SYNJ2BP: variants seen among roughly 807,000 people sequenced by gnomAD.
SYNJ2BP encodes synaptojanin-2-binding protein.
In SYNJ2BP, 10 loss-of-function variants were observed where a neutral mutation model predicts 16.9. The observed-to-expected ratio is 0.59, with a 90% confidence interval of 0.36 to 1.00. The LOEUF (loss-of-function observed/expected upper bound fraction) is 1.00. Ranked by LOEUF, SYNJ2BP falls within the 50% of genes least tolerant of loss-of-function variation. The pLI is 0.01. For missense variants in SYNJ2BP, 162 were observed against 186.7 expected (o/e 0.87, Z 0.77); for synonymous variants, 54 against 68.4 (o/e 0.79, Z 1.04).
intron 2 of SYNJ2BP, among the ~76,000 whole-genome samples, chr14:70,378,082 T>A (rs894810970): frequency 7.3e-6 from 1 of 136,956 alleles, no homozygotes. Flanking sequence ...TCTCCTATCT[T>A]GGCATATGAA....
chr14:70,400,038 C>T (rs547626016), intron 1 of SYNJ2BP, among the ~76,000 whole-genome samples: 1 of 152,286 alleles, frequency 6.6e-6, no homozygotes, highest in South Asian at 2.1e-4. Flanking sequence ...AAATACAAAA[C>T]AAATGAGCAG....
Position 70,372,942 on chromosome 14 carries a change from G to A in SYNJ2BP, c.*49C>T, listed in dbSNP as rs968310279. ...ACATGGCAGAATAGCAGGGGTGGAG[G>A]GTGAGTGAAATGTATCTTCATTGGG... is the stretch of plus-strand genomic sequence containing the variant. On this transcript the variant is annotated 3_prime_UTR_variant, in exon 4 of 4. Coordinates refer to ENST00000256366, the MANE Select transcript of SYNJ2BP (RefSeq NM_018373.3). 1.6e-5 allele frequency: 26 copies of A among 1,607,234 alleles called. No individual in the cohort carries two copies. The highest frequency in any genetic ancestry group is 2.1e-5 in the Non-Finnish European group (25 of 1,177,580).
intron 2 of SYNJ2BP, among the ~76,000 whole-genome samples, chr14:70,380,530 C>T (rs569958088): frequency 7.9e-5 from 12 of 151,820 alleles, no homozygotes; most frequent in South Asian, 2.1e-4. Context: ...GGCGTGGTGG[C>T]GCACACCTGT....
At chr14:70,411,079 G>A (rs1488654694) in intron 1 of SYNJ2BP, among the ~76,000 whole-genome samples, 1 of 152,034 alleles carries the variant, frequency 6.6e-6, no homozygotes, top group Non-Finnish European at 1.5e-5. Flanking sequence ...TGAAGTAGAA[G>A]GAGGAGACAT....
Position 70,388,599 on chromosome 14 carries a change from G to A in SYNJ2BP, c.72C>T (p.Gly24=), listed in dbSNP as rs752141974. ...GATCTGTCCCACCGACGATGTTGAA[G>A]CCCAGCCCTGAGAAAATCATGGAGG... is the stretch of plus-strand genomic sequence containing the variant. ...INLTRGPSGL[G]FNIVGGTDQQ... The change falls in exon 2 of 4, where the codon GGC becomes GGT. Residue 24 remains glycine (G), a synonymous_variant. Coordinates refer to ENST00000256366, the MANE Select transcript of SYNJ2BP (RefSeq NM_018373.3). 78 of 1,514,930 alleles carry A rather than the reference G, an allele frequency of 5.1e-5. No individual in the cohort carries two copies. The highest frequency in any genetic ancestry group is 1.1e-4 in the Admixed American group (5 of 46,352). 93.8% of individuals were successfully genotyped at this position (1,514,930 alleles called of 1,614,324 possible). A position where few individuals can be genotyped will look rare whatever the true frequency, so the allele number is the denominator to read the frequency against.
Position 70,411,957 on chromosome 14 carries a change from G to A in SYNJ2BP, c.64+4943C>T, listed in dbSNP as rs765064040. ...TGTAAGCAAGAGAAAATAGGGCAAG[G>A]ATATAGCATTTAGCCTCACATCTAT... On this transcript the variant is annotated intron_variant, in intron 1 of 3. Transcript: ENST00000256366. Among the ~76,000 whole-genome samples, 4 of 152,302 alleles carry A rather than the reference G, an allele frequency of 2.6e-5. No homozygotes were observed. The East Asian group carries it at 7.7e-4, about 29-fold the overall frequency.
At chr14:70,409,046 G>A (rs1423336982) in intron 1 of SYNJ2BP, among the ~76,000 whole-genome samples, 1 of 152,092 alleles carries the variant, frequency 6.6e-6, no homozygotes, top group East Asian at 1.9e-4. Context: ...CTACAAGCAT[G>A]CACCACCAAA....
intron 1 of SYNJ2BP, among the ~76,000 whole-genome samples, chr14:70,402,450 C>A (rs914230486): frequency 6.6e-6 from 1 of 152,026 alleles, no homozygotes; most frequent in Non-Finnish European, 1.5e-5. Flanking sequence ...TGTGGAGACC[C>A]AAGATTCACG....
At chr14:70,406,804 C>G (rs569987009) in intron 1 of SYNJ2BP, among the ~76,000 whole-genome samples, 3 of 152,154 alleles carry the variant, frequency 2.0e-5, no homozygotes, top group African/African-American at 4.8e-5. Context: ...TCCAACCCCC[C>G]ACCTGACAAA....
chr14:70,373,516 T>C (rs1887562482), intron 3 of SYNJ2BP, among the ~76,000 whole-genome samples: 1 of 152,214 alleles, frequency 6.6e-6, no homozygotes, highest in South Asian at 2.1e-4. Flanking sequence ...GGGGGATCTT[T>C]CTGGAAATGT....
intron 2 of SYNJ2BP, among the ~76,000 whole-genome samples, chr14:70,387,442 A>G (rs1887883100): frequency 6.6e-6 from 1 of 152,180 alleles, no homozygotes; most frequent in African/African-American, 2.4e-5. Flanking sequence ...CTGTGGGCCC[A>G]TATTTATCAG....
At chr14:70,385,829 A>G (rs1887848477) in intron 2 of SYNJ2BP, among the ~76,000 whole-genome samples, 1 of 152,192 alleles carries the variant, frequency 6.6e-6, no homozygotes, top group Non-Finnish European at 1.5e-5. Context: ...AAAGGCTACA[A>G]ATTCAGACAA....
chr14:70,406,741 C>T (rs931157800), intron 1 of SYNJ2BP, among the ~76,000 whole-genome samples: 1 of 152,174 alleles, frequency 6.6e-6, no homozygotes. Context: ...AAGAGGACAG[C>T]TTCAACTCCC....
At chr14:70,375,357 G>A (rs943649035) in intron 3 of SYNJ2BP, among the ~76,000 whole-genome samples, 12 of 151,168 alleles carry the variant, frequency 7.9e-5, no homozygotes, top group Middle Eastern at 3.4e-3. Flanking sequence ...GTGCACCACC[G>A]TGCCTGAATT....
At chr14:70,388,271 A>T (rs1333603250) in intron 2 of SYNJ2BP, among the ~76,000 whole-genome samples, 199 bp downstream of exon 2, 1 of 152,188 alleles carries the variant, frequency 6.6e-6, no homozygotes, top group South Asian at 2.1e-4. Context: ...TCACATTCTC[A>T]TCTATCAGGT....
At chr14:70,401,647 G>A (rs543823445) in intron 1 of SYNJ2BP, among the ~76,000 whole-genome samples, 4 of 151,006 alleles carry the variant, frequency 2.6e-5, no homozygotes, top group South Asian at 2.1e-4. Flanking sequence ...AACTTCACTG[G>A]CCTTTTACAA....
At chr14:70,394,892 C>A (rs760798215) in intron 1 of SYNJ2BP, among the ~76,000 whole-genome samples, 13 of 152,162 alleles carry the variant, frequency 8.5e-5, no homozygotes, top group Non-Finnish European at 1.5e-5. Flanking sequence ...ACAGGTTAAG[C>A]AACTTTACAA....
chr14:70,384,700 A>C (rs1005853694), intron 2 of SYNJ2BP, among the ~76,000 whole-genome samples: 6 of 151,640 alleles, frequency 4.0e-5, no homozygotes, highest in African/African-American at 1.5e-4. Flanking sequence ...AGTGTCTGGC[A>C]CTTCCCCCTA....
chr14:70,374,544 A>G (rs1198960714), intron 3 of SYNJ2BP, among the ~76,000 whole-genome samples: 1 of 152,258 alleles, frequency 6.6e-6, no homozygotes, highest in Non-Finnish European at 1.5e-5. Context: ...TATAGGAGGA[A>G]TTATATCTAC....
Sources: gnomAD v4.1 joint callset for allele counts (sites outside exome capture counted in the v4.1 genomes callset) on GRCh38, gnomAD v4.1.1 for gene constraint, MANE v1.5 for transcripts, NCBI Gene and HGNC (gene_info 2026-07-23, HGNC 2026-07-21) for gene names.